ADGRL3: variants seen among roughly 807,000 people sequenced by gnomAD.
ADGRL3 encodes the protein adhesion G protein-coupled receptor L3.
ADGRL3 carries 62 observed loss-of-function variants against 153.5 expected under a neutral mutation model. The ratio of observed to expected loss-of-function variants is 0.40; its 90% CI spans 0.33 to 0.50. ADGRL3 has a LOEUF of 0.50. Among genes scored for constraint, ADGRL3 ranks in the 20% least tolerant of loss-of-function variants. The pLI is 0.47. For missense variants in ADGRL3, 1,641 were observed against 1,859.4 expected, an observed-to-expected ratio of 0.88 and a Z score of 2.16; for synonymous variants, 710 against 672.5, an observed-to-expected ratio of 1.06 and a Z score of -0.86.
chr4:61,370,095 T>G (rs1362283284), intron 1 of ADGRL3, among the ~76,000 whole-genome samples: 1 of 152,220 alleles, frequency 6.6e-6, no homozygotes, highest in Non-Finnish European at 1.5e-5. Context: ...TCATTTTCTA[T>G]TGCGTCTATT....
intron 1 of ADGRL3, among the ~76,000 whole-genome samples, chr4:61,298,418 C>T (rs2094480550): frequency 6.6e-6 from 1 of 152,170 alleles, no homozygotes; most frequent in Non-Finnish European, 1.5e-5. Context: ...TCCTCCTTAT[C>T]CAGTTTTTGA....
chr4:61,244,434 T>G (rs1756240502), intron 1 of ADGRL3, among the ~76,000 whole-genome samples: 1 of 152,070 alleles, frequency 6.6e-6, no homozygotes, highest in African/African-American at 2.4e-5. Context: ...AAAATAAAAC[T>G]GATCTTTCTC....
At chr4:61,728,823 G>A (rs988135754) in intron 6 of ADGRL3, among the ~76,000 whole-genome samples, 3 of 151,968 alleles carry the variant, frequency 2.0e-5, no homozygotes, top group African/African-American at 7.2e-5. Context: ...TATCGATTAT[G>A]CAATTTGTTA....
At chr4:61,748,350 A>C (rs1278570275) in intron 8 of ADGRL3, among the ~76,000 whole-genome samples, 2 of 151,976 alleles carry the variant, frequency 1.3e-5, no homozygotes, top group South Asian at 2.1e-4. Flanking sequence ...CAGAACTGGA[A>C]AAAAACTACT....
At chr4:61,501,189 G>A (rs756788209) in intron 3 of ADGRL3, among the ~76,000 whole-genome samples, 1 of 152,206 alleles carries the variant, frequency 6.6e-6, no homozygotes, top group African/African-American at 2.4e-5. Flanking sequence ...CCCACTACAA[G>A]CCAGAAAACT....
intron 4 of ADGRL3, among the ~76,000 whole-genome samples, chr4:61,520,811 G>A (rs968953969): frequency 2.6e-5 from 4 of 151,892 alleles, no homozygotes; most frequent in African/African-American, 4.8e-5. Flanking sequence ...AACACCCAGG[G>A]ATTTTTTTTT....
chr4:61,507,302 A>G (rs1306161570), intron 3 of ADGRL3, among the ~76,000 whole-genome samples: 1 of 152,164 alleles, frequency 6.6e-6, no homozygotes, highest in Non-Finnish European at 1.5e-5. Flanking sequence ...CTTTTAGATT[A>G]GTTACAAAAG....
chr4:61,493,121 A>G (rs568535692), intron 2 of ADGRL3, among the ~76,000 whole-genome samples: 1 of 152,296 alleles, frequency 6.6e-6, no homozygotes, highest in South Asian at 2.1e-4. Context: ...ATATTTCTGT[A>G]GGTTATGAGA....
intron 19 of ADGRL3, among the ~76,000 whole-genome samples, chr4:61,984,000 G>A (rs2099077120): frequency 6.6e-6 from 1 of 152,196 alleles, no homozygotes; most frequent in Non-Finnish European, 1.5e-5. Flanking sequence ...TCACTGGAAA[G>A]CCTTTTATGT....
intron 1 of ADGRL3, among the ~76,000 whole-genome samples, chr4:61,204,731 T>C (rs1031197131): frequency 2.0e-5 from 3 of 152,202 alleles, no homozygotes; most frequent in Non-Finnish European, 4.4e-5. Flanking sequence ...CTCAAAGTTT[T>C]ATATGAACTA....
chr4:61,755,132 C>A (rs2096807783), intron 8 of ADGRL3, among the ~76,000 whole-genome samples: 2 of 152,038 alleles, frequency 1.3e-5, no homozygotes, highest in Admixed American at 6.6e-5. Flanking sequence ...GGGTATATAC[C>A]CAGTAATGGG....
At chr4:61,433,331 T>C (rs180937111) in intron 2 of ADGRL3, among the ~76,000 whole-genome samples, 2 of 151,834 alleles carry the variant, frequency 1.3e-5, no homozygotes, top group Admixed American at 6.6e-5. Flanking sequence ...TCTTAGATAA[T>C]TTGTAGTTTC....
At chr4:61,660,389 T>G (rs1374212404) in intron 5 of ADGRL3, among the ~76,000 whole-genome samples, 1 of 152,134 alleles carries the variant, frequency 6.6e-6, no homozygotes, top group Non-Finnish European at 1.5e-5. Flanking sequence ...TTCAGAATCT[T>G]TTTCTTAAAG....
intron 2 of ADGRL3, chr4:61,427,739 G>C (rs1008943135): frequency 2.6e-5 from 4 of 152,728 alleles, no homozygotes; most frequent in African/African-American, 9.7e-5. Flanking sequence ...CACACTAGTG[G>C]CAGGCCCTAA....
chr4:61,854,341 T>C (rs1344363511), intron 9 of ADGRL3, among the ~76,000 whole-genome samples: 2 of 152,098 alleles, frequency 1.3e-5, no homozygotes, highest in African/African-American at 2.4e-5. Context: ...GGGGATGAAA[T>C]ATACAAAATA....
At chr4:62,034,560 C>G (rs933208112) in intron 23 of ADGRL3, among the ~76,000 whole-genome samples, 1 of 151,690 alleles carries the variant, frequency 6.6e-6, no homozygotes, top group Non-Finnish European at 1.5e-5. Context: ...GTGTACTTGT[C>G]TTTGAAACTG....
At chr4:61,263,174 G>A (rs531374350) in intron 1 of ADGRL3, among the ~76,000 whole-genome samples, 55 of 151,714 alleles carry the variant, frequency 3.6e-4, no homozygotes, top group African/African-American at 4.1e-4. Flanking sequence ...TCAAATTTAC[G>A]TTTTGCTGTA....
At chr4:62,037,952 ATCGT>A (rs1367152602) in intron 24 of ADGRL3, 96 bp downstream of exon 24, 15 of 1,401,328 alleles carry the variant, frequency 1.1e-5, no homozygotes, top group African/African-American at 1.4e-5. Flanking sequence ...TGTTTAACAC[ATCGT>A]TTGTTTTTGT....
At chr4:61,648,909 TAAG>T (rs1468715563) in intron 5 of ADGRL3, among the ~76,000 whole-genome samples, 1 of 152,086 alleles carries the variant, frequency 6.6e-6, no homozygotes, top group Admixed American at 6.6e-5. Flanking sequence ...AGGGACATGA[TAAG>T]AACACAGTTT....
Sources: gnomAD v4.1 joint callset for allele counts (sites outside exome capture counted in the v4.1 genomes callset) on GRCh38, gnomAD v4.1.1 for gene constraint, MANE v1.5 for transcripts, NCBI Gene and HGNC (gene_info 2026-07-23, HGNC 2026-07-21) for gene names.